SPEG: variants seen among roughly 807,000 people sequenced by gnomAD.
SPEG encodes the protein striated muscle enriched protein kinase, also known as striated muscle preferentially expressed protein kinase.
In SPEG, 114 loss-of-function variants were observed where a neutral mutation model predicts 300.4. The ratio of observed to expected loss-of-function variants is 0.38; its 90% CI spans 0.33 to 0.44. The LOEUF (loss-of-function observed/expected upper bound fraction) is 0.44. Ranked by LOEUF, SPEG falls within the 20% of genes least tolerant of loss-of-function variation. The probability of loss-of-function intolerance (pLI) is 1.00; values close to 1 mark genes in which losing one functional copy is unlikely to be tolerated. For missense variants in SPEG, 4,201 were observed against 4,586.2 expected (o/e 0.92, Z 2.43); for synonymous variants, 1,964 against 2,018.9 (o/e 0.97, Z 0.73).
chr2:219,451,184 C>T lies in SPEG; in HGVS notation c.2162C>T (p.Ala721Val). 2 of 1,613,918 alleles carry T rather than the reference C, an allele frequency of 1.2e-6. No homozygotes were observed. Among genetic ancestry groups the T allele is most frequent in the Non-Finnish European group, 1.7e-6 (2 of 1,179,958 alleles). ...TCCGCTGGAGAAGAGCCCCTAGAGG[C>T]CCCTGTGTTTGAGATCCCCCTGCAG... ...YVSAGEEPLE[A>V]PVFEIPLQNV... The change falls in exon 5 of 41, where the codon GCC becomes GTC. Residue 721 changes from alanine (A) to valine (V), a missense_variant. Around this residue, in one of 4 missense-constraint regions of SPEG, gnomAD observed 1,258 missense variants for 1,293.9 expected, o/e 0.97. Coordinates refer to ENST00000312358, the MANE Select transcript of SPEG (RefSeq NM_005876.5). This position sits in a 1 kb window ranked among gnomAD's most constrained non-coding sequence, Gnocchi z 6.4.
intron 9 of SPEG, chr2:219,465,590 C>A: frequency 5.0e-6 from 1 of 201,850 alleles, no homozygotes; most frequent in Admixed American, 5.6e-5. Flanking sequence ...CTTCCGACAC[C>A]CCCAGGCTTT....
chr2:219,469,663 G>A (rs903842796), intron 13 of SPEG, among the ~76,000 whole-genome samples: 2 of 152,200 alleles, frequency 1.3e-5, no homozygotes, highest in Non-Finnish European at 2.9e-5. Context: ...AGTTACAGAA[G>A]CCCTCTGTGC....
Position 219,492,134 on chromosome 2 carries a change from A to G in SPEG, c.9485A>G (p.Tyr3162Cys), listed in dbSNP as rs747882255. The change falls in exon 40 of 41, where the codon TAT becomes TGT. Residue 3162 changes from tyrosine (Y) to cysteine (C), a missense_variant. Coordinates refer to ENST00000312358, the MANE Select transcript of SPEG (RefSeq NM_005876.5). The stretch of plus-strand genomic sequence containing the variant: ...AGGCTCAGTGGACGCTCCCCGTTCT[A>G]TGAGCCAGACCCCCAGGAAACGGAG... ...YIMLSGRSPF[Y>C]EPDPQETEAR... 1.9e-6 allele frequency: 3 copies of G among 1,613,358 alleles called. No individual in the cohort carries two copies. Among genetic ancestry groups the G allele is most frequent in the South Asian group, 1.1e-5 (1 of 91,050 alleles).
rs1413635983 is a variant in SPEG at position 219,484,687 on chromosome 2, C to T, written c.7224C>T (p.Arg2408=). ...RAVGEPGLVR[R]LSLSLSQRLR... ...TCGGAGAGCCTGGCCTCGTCCGCCG[C>T]CTCTCGCTGTCACTGTCCCAGCGGC... The change falls in exon 30 of 41, where the codon CGC becomes CGT. Residue 2408 remains arginine, a synonymous_variant. Transcript: ENST00000312358. 2 of 1,518,450 alleles carry T rather than the reference C, an allele frequency of 1.3e-6. No homozygotes were observed. Among genetic ancestry groups the T allele is most frequent in the South Asian group, 2.4e-5 (2 of 82,734 alleles). 94.1% of individuals were successfully genotyped at this position (1,518,450 alleles called of 1,614,324 possible).
chr2:219,478,341 T>C (rs1692534977), intron 22 of SPEG, among the ~76,000 whole-genome samples: 2 of 152,250 alleles, frequency 1.3e-5, no homozygotes, highest in African/African-American at 4.8e-5. Context: ...AATATTAACC[T>C]ATTTAATCCC....
In SPEG at chr2:219,483,594, G is replaced by A; in HGVS notation, c.6131G>A (p.Arg2044Gln). The change falls in exon 30 of 41, where the codon CGG (arginine) becomes CAG (glutamine). Residue 2044 changes from arginine to glutamine, a missense_variant. By Grantham distance (43) the Arg-to-Gln change is conservative (BLOSUM62 1). Around this residue, in one of 4 missense-constraint regions of SPEG, gnomAD observed 1,578 missense variants for 1,506.0 expected, o/e 1.05. Coordinates refer to ENST00000312358, the MANE Select transcript of SPEG (RefSeq NM_005876.5). ...GCGTCTGTGGAGCTGCCGCAGCGCC[G>A]GAGCCCCAGCCCGGGAGCCACCCGC... The part of the protein sequence containing the change: ...KAASVELPQR[R>Q]SPSPGATRLA... 1 of 1,483,366 alleles carries A rather than the reference G, an allele frequency of 6.7e-7. No homozygotes were observed. Among genetic ancestry groups the A allele is most frequent in the Non-Finnish European group, 8.9e-7 (1 of 1,127,204 alleles). The allele number at this position is 1,483,366 out of a possible 1,614,324, so 91.9% of individuals were successfully genotyped here. A position where few individuals can be genotyped will look rare whatever the true frequency, so the allele number is the denominator to read the frequency against.
chr2:219,446,603 T>G (rs113419885), intron 3 of SPEG, among the ~76,000 whole-genome samples: 186 of 152,224 alleles, frequency 1.2e-3, no homozygotes, highest in African/African-American at 4.1e-3. Flanking sequence ...CATCCTTAAC[T>G]CGGGACCCCT....
intron 1 of SPEG, among the ~76,000 whole-genome samples, chr2:219,436,300 G>A (rs916296719): frequency 1.9e-4 from 29 of 152,276 alleles, no homozygotes; most frequent in African/African-American, 4.1e-4. Context: ...GGCCAGGGCC[G>A]TTAGCCTTGG....
At chr2:219,462,116 C>CAAGAACAAGGGGGCA in intron 7 of SPEG, 59 bp downstream of exon 7, 1 of 1,400,146 alleles carries the variant, frequency 7.1e-7, no homozygotes, top group Non-Finnish European at 9.8e-7. Context: ...TTGGGTGCCC[C>CAAGAACAAGGGGGCA]CTTGTTCTTG....
intron 18 of SPEG, chr2:219,474,378 CA>C (rs35320747): frequency 0.44 from 43,457 of 98,930 alleles, 7,225 homozygotes; most frequent in African/African-American, 0.57. Flanking sequence ...AACTCTGTCT[CA>C]AAAAAAAAAA....
At chr2:219,440,674 C>T (rs1954839413) in intron 1 of SPEG, among the ~76,000 whole-genome samples, 1 of 152,064 alleles carries the variant, frequency 6.6e-6, no homozygotes, top group Admixed American at 6.5e-5. Flanking sequence ...ACAACCTCGC[C>T]TCCTGGGCAT....
Position 219,479,342 on chromosome 2 carries a change from G to T in SPEG, c.5085+141G>T. On this transcript the variant is annotated intron_variant, in intron 23 of 40. Transcript: ENST00000312358. The surrounding 1 kb of genome is among the most constrained non-coding windows in gnomAD (Gnocchi z 5.5). ...GGAGGTGGAGAGCACTGTTAGGTAG[G>T]CAGCAGAGTCCCCACCCAATGATAC... 1 of 679,650 alleles carries T rather than the reference G, an allele frequency of 1.5e-6. No individual in the cohort carries two copies. Among genetic ancestry groups the T allele is most frequent in the South Asian group, 1.6e-5 (1 of 62,110 alleles). The allele number at this position is 679,650 out of a possible 1,614,324, so 42.1% of individuals were successfully genotyped here. A position where few individuals can be genotyped will look rare whatever the true frequency, so the allele number is the denominator to read the frequency against.
Position 219,481,747 on chromosome 2 carries a change from TTTA to T in SPEG, c.5565+70_5565+72del. On this transcript the variant is annotated intron_variant, in intron 28 of 40. Transcript: ENST00000312358. This position sits in a 1 kb window ranked among gnomAD's most constrained non-coding sequence, Gnocchi z 5.4. Reference sequence around the variant, plus strand: ...AGAGAGAATGTTACTAACAGCTCTATTTATTGAGTACCTACTGTGTGCAGTAAC... The same window carrying T: ...AGAGAGAATGTTACTAACAGCTCTATTTGAGTACCTACTGTGTGCAGTAAC... The T allele has an allele frequency of 3.6e-6, 5 of 1,405,516 alleles. No homozygotes were observed. The highest frequency in any genetic ancestry group is 5.0e-6 in the Non-Finnish European group (5 of 990,966). The allele number at this position is 1,405,516 out of a possible 1,614,324, so 87.1% of individuals were successfully genotyped here.
At position 219,451,999 on chromosome 2, in the gene SPEG, C is replaced by T. The variant is rs572582219; in HGVS notation, c.2440+192C>T. 6.6e-6 allele frequency among the ~76,000 whole-genome samples: 1 copy of T among 152,250 alleles called. No individual in the cohort carries two copies. The highest frequency in any genetic ancestry group is 1.5e-5 in the Non-Finnish European group (1 of 68,038). ...GTTTTAAATGGCCCTGGCCTCAGGGCAGGGGCCAAATCCCCAAGGCGCACA... is the reference window on the plus strand; with the variant it reads ...GTTTTAAATGGCCCTGGCCTCAGGGTAGGGGCCAAATCCCCAAGGCGCACA... On this transcript the variant is annotated intron_variant, in intron 6 of 40. Coordinates refer to ENST00000312358, the MANE Select transcript of SPEG (RefSeq NM_005876.5). This position sits in a 1 kb window ranked among gnomAD's most constrained non-coding sequence, Gnocchi z 6.4.
intron 36 of SPEG, 32 bp from the exon 37 acceptor site, chr2:219,490,377 G>T: frequency 6.3e-7 from 1 of 1,597,694 alleles, no homozygotes. Flanking sequence ...CCTCTCCTCT[G>T]AGCCGGTGGT....
rs1423956677 is a variant in SPEG at position 219,468,871 on chromosome 2, A to G, written c.3314A>G (p.Glu1105Gly). The G allele has an allele frequency of 2.5e-6, 4 of 1,612,558 alleles. No individual in the cohort carries two copies. Among genetic ancestry groups the G allele is most frequent in the Non-Finnish European group, 3.4e-6 (4 of 1,179,292 alleles). ...CTCCTTTCTGCAGGCTGCCCCATGG[A>G]GGAGAGTGAGAACTTGCGGCTGCGG... ...VTWTHFGCPM[E>G]ESENLRLRQD... The change falls in exon 12 of 41, where the codon GAG becomes GGG. Residue 1105 changes from glutamate (E) to glycine (G), a missense_variant. Glu to Gly is a moderately conservative substitution (Grantham distance 98). This residue lies in a region of SPEG where 1,047 missense variants were observed against 1,356.8 expected (regional missense o/e 0.77). Coordinates refer to ENST00000312358, the MANE Select transcript of SPEG (RefSeq NM_005876.5).
chr2:219,470,930 A>G (rs1691818202), intron 13 of SPEG, among the ~76,000 whole-genome samples: 1 of 152,218 alleles, frequency 6.6e-6, no homozygotes, highest in African/African-American at 2.4e-5. Context: ...GTAATATATC[A>G]TAGAATGTAT....
At position 219,448,921 on chromosome 2, in the gene SPEG, A is replaced by G. The variant is rs1689525579; in HGVS notation, c.1763A>G (p.Gln588Arg). 1 of 1,478,394 alleles carries G rather than the reference A, an allele frequency of 6.8e-7. No individual in the cohort carries two copies. The allele number at this position is 1,478,394 out of a possible 1,614,324, so 91.6% of individuals were successfully genotyped here. A position where few individuals can be genotyped will look rare whatever the true frequency, so the allele number is the denominator to read the frequency against. ...GRTEPGEGPQQEVRRRDQFPL... is the reference protein window; with the variant it reads ...GRTEPGEGPQREVRRRDQFPL... ...ACAGAGCCGGGGGAAGGCCCGCAGC[A>G]GGAGGTTAGGCGTCGGGACCAATTC... Residue 588 changes from glutamine (Q) to arginine (R), a missense_variant, in exon 4 of 41, where the codon CAG becomes CGG. Physicochemically the swap from Gln to Arg is conservative, Grantham distance 43 (BLOSUM62 1). Coordinates refer to ENST00000312358, the MANE Select transcript of SPEG (RefSeq NM_005876.5).
At chr2:219,470,666 G>A (rs1349318922) in intron 13 of SPEG, among the ~76,000 whole-genome samples, 1 of 152,224 alleles carries the variant, frequency 6.6e-6, no homozygotes, top group Non-Finnish European at 1.5e-5. Flanking sequence ...GGAGGACAGT[G>A]CAGGCCTCCT....
Sources: allele counts gnomAD v4.1 joint callset (sites outside exome capture counted in the v4.1 genomes callset), GRCh38; gene constraint gnomAD v4.1.1; regional missense constraint gnomAD v4.1.1; non-coding constraint Gnocchi (gnomAD v3.1); transcripts MANE v1.5; gene names NCBI Gene and HGNC (gene_info 2026-07-23, HGNC 2026-07-21).